Variants in RBMS3 observed in about 807,000 individuals in gnomAD.
RBMS3 encodes RNA binding motif single stranded interacting protein 3.
RBMS3 carries 27 observed loss-of-function variants against 66.8 expected under a neutral mutation model. That is an observed-to-expected ratio of 0.40 (90% CI 0.30 to 0.56). RBMS3 has a LOEUF of 0.56. Among genes scored for constraint, RBMS3 ranks in the 20% least tolerant of loss-of-function variants. The probability of loss-of-function intolerance (pLI) is 0.40; values close to 1 mark genes in which losing one functional copy is unlikely to be tolerated. For missense variants in RBMS3, 513 were observed against 549.5 expected, an observed-to-expected ratio of 0.93 and a Z score of 0.66; for synonymous variants, 188 against 183.0, an observed-to-expected ratio of 1.03 and a Z score of -0.22.
intron 4 of RBMS3, among the ~76,000 whole-genome samples, chr3:29,688,874 C>G (rs1029303025): frequency 8.6e-5 from 13 of 152,012 alleles, no homozygotes; most frequent in Admixed American, 8.5e-4. Flanking sequence ...AACCACTGTG[C>G]CTGGCCTAGG....
chr3:29,811,129 A>G (rs1215112664), intron 6 of RBMS3, among the ~76,000 whole-genome samples: 1 of 152,146 alleles, frequency 6.6e-6, no homozygotes, highest in East Asian at 1.9e-4. Context: ...AGAAAGGAAA[A>G]TATTTTCAGT....
Position 29,373,497 on chromosome 3 carries a change from G to A in RBMS3, c.76-61246G>A, listed in dbSNP as rs183134296. On this transcript the variant is annotated intron_variant, in intron 1 of 14. Transcript: ENST00000383767. ...CAAAAGATGCAGAAGGGAAACAAGA[G>A]TCAGACTTGACCCCTAGACCTTGTG... Among the ~76,000 whole-genome samples the A allele has an allele frequency of 2.0e-5, 3 of 152,376 alleles. No homozygotes were observed. In the East Asian group the frequency reaches 5.8e-4, roughly 29 times the overall value.
chr3:29,458,107 G>C (rs76683443), intron 2 of RBMS3, among the ~76,000 whole-genome samples: 2,339 of 152,128 alleles, frequency 0.015, 39 homozygotes, highest in African/African-American at 0.036. Flanking sequence ...TTAATTCACA[G>C]TTCATTATGA....
chr3:29,897,663 A>T (rs2060157094), intron 9 of RBMS3, among the ~76,000 whole-genome samples, 188 bp downstream of exon 9: 1 of 151,676 alleles, frequency 6.6e-6, no homozygotes, highest in Non-Finnish European at 1.5e-5. Flanking sequence ...AATTCACTGG[A>T]TAATAAAATC....
chr3:29,703,986 A>C (rs1478319153), intron 4 of RBMS3, among the ~76,000 whole-genome samples: 1 of 152,184 alleles, frequency 6.6e-6, no homozygotes, highest in Non-Finnish European at 1.5e-5. Context: ...TGCACATGCA[A>C]GAGGTCTAGG....
At chr3:29,850,789 T>C (rs575278434) in intron 6 of RBMS3, among the ~76,000 whole-genome samples, 2 of 152,320 alleles carry the variant, frequency 1.3e-5, no homozygotes, top group East Asian at 3.9e-4. Context: ...TCTCATCCCT[T>C]GAGTTGCACC....
chr3:29,864,487 T>TTTG (rs201377299), intron 6 of RBMS3, among the ~76,000 whole-genome samples: 5 of 152,018 alleles, frequency 3.3e-5, no homozygotes, highest in Admixed American at 6.6e-5. Flanking sequence ...AACACATCTT[T>TTTG]TTGTTGTTGT....
chr3:29,716,315 G>A lies in RBMS3; in HGVS notation c.400-23405G>A, dbSNP rs1041316287. Among the ~76,000 whole-genome samples, 11 of 152,142 alleles carry A rather than the reference G, an allele frequency of 7.2e-5. 1 individual carries two copies. Among genetic ancestry groups the A allele is most frequent in the African/African-American group, 2.7e-4 (11 of 41,456 alleles). On this transcript the variant is annotated intron_variant, in intron 4 of 14. Coordinates refer to ENST00000383767, the MANE Select transcript of RBMS3 (RefSeq NM_001003793.3). ...AATATTTGCTTATTACCATACAATG[G>A]TGTTGAGAAGCAAAGGACACTTACA...
rs1542247 is a variant in RBMS3, at chr3:29,869,652, G to A, written c.744+688G>A. On this transcript the variant is annotated intron_variant, in intron 7 of 14. Coordinates refer to ENST00000383767, the MANE Select transcript of RBMS3 (RefSeq NM_001003793.3). ...CAGTTTATGGATCCAGTGCCACTTAGGAATGGGTTCTTTTTGTTACTTTTT... is the reference window on the plus strand; with the variant it reads ...CAGTTTATGGATCCAGTGCCACTTAAGAATGGGTTCTTTTTGTTACTTTTT... Among the ~76,000 whole-genome samples, 4 of 152,204 alleles carry A rather than the reference G, an allele frequency of 2.6e-5. No individual in the cohort carries two copies. In the East Asian group the frequency reaches 5.8e-4, roughly 22 times the overall value.
rs147653565 is a variant in RBMS3, at chr3:29,900,475, A to G, written c.939+720A>G. On this transcript the variant is annotated intron_variant, in intron 10 of 14. Coordinates refer to ENST00000383767, the MANE Select transcript of RBMS3 (RefSeq NM_001003793.3). ...GAAAAGTATGACGTATTACATTAGA[A>G]TCTAGACTGAAGGCTAATGATTGCA... 2.8e-4 allele frequency among the ~76,000 whole-genome samples: 43 copies of G among 151,876 alleles called. 2 individuals are homozygous for G. In the East Asian group the frequency reaches 8.4e-3, roughly 30 times the overall value.
intron 1 of RBMS3, among the ~76,000 whole-genome samples, chr3:29,338,831 A>G (rs1305515729): frequency 6.6e-6 from 1 of 152,096 alleles, no homozygotes; most frequent in African/African-American, 2.4e-5. Flanking sequence ...CCACCGTATC[A>G]GCTATTACTC....
chr3:29,578,849 C>T (rs1399097730), intron 3 of RBMS3, among the ~76,000 whole-genome samples: 1 of 119,802 alleles, frequency 8.3e-6, no homozygotes, highest in Non-Finnish European at 1.6e-5. Context: ...GGTCGGACTG[C>T]GGACTGCAGT....
intron 3 of RBMS3, among the ~76,000 whole-genome samples, chr3:29,533,257 C>T (rs1455591592): frequency 6.6e-6 from 1 of 152,028 alleles, no homozygotes; most frequent in African/African-American, 2.4e-5. Context: ...GCAGGAGGAT[C>T]ATTTGTCCCC....
At chr3:29,798,301 G>C (rs1473494615) in intron 6 of RBMS3, among the ~76,000 whole-genome samples, 2 of 99,876 alleles carry the variant, frequency 2.0e-5, no homozygotes, top group Non-Finnish European at 4.2e-5. Flanking sequence ...GAAGGGAAGG[G>C]AGGGGAAGGG....
intron 6 of RBMS3, among the ~76,000 whole-genome samples, chr3:29,856,471 G>A (rs528206387): frequency 6.6e-6 from 1 of 152,266 alleles, no homozygotes; most frequent in African/African-American, 2.4e-5. Flanking sequence ...CATGACATTG[G>A]ATGGCCTTTT....
intron 4 of RBMS3, among the ~76,000 whole-genome samples, chr3:29,630,012 A>G (rs1267342303): frequency 1.3e-5 from 2 of 152,076 alleles, no homozygotes; most frequent in Admixed American, 6.6e-5. Context: ...GTCAGAAACT[A>G]AAAACCAATA....
At chr3:29,646,808 T>A (rs1274404935) in intron 4 of RBMS3, among the ~76,000 whole-genome samples, 2 of 152,150 alleles carry the variant, frequency 1.3e-5, no homozygotes, top group African/African-American at 4.8e-5. Flanking sequence ...TTAAAATCTT[T>A]TAAAGTAGAT....
chr3:29,443,043 C>T (rs1287454977), intron 2 of RBMS3, among the ~76,000 whole-genome samples: 1 of 152,062 alleles, frequency 6.6e-6, no homozygotes, highest in Non-Finnish European at 1.5e-5. Flanking sequence ...AGTTCTGGAT[C>T]CATATCTCAT....
chr3:29,624,508 T>C (rs1185959125), intron 4 of RBMS3, among the ~76,000 whole-genome samples: 1 of 152,206 alleles, frequency 6.6e-6, no homozygotes, highest in Non-Finnish European at 1.5e-5. Flanking sequence ...GAATAGCTTT[T>C]GATTGGCCAG....
Sources: allele counts gnomAD v4.1 joint callset (sites outside exome capture counted in the v4.1 genomes callset), GRCh38; gene constraint gnomAD v4.1.1; transcripts MANE v1.5; gene names NCBI Gene and HGNC (gene_info 2026-07-23, HGNC 2026-07-21).